HMCES: variants seen among roughly 807,000 people sequenced by gnomAD.
The protein encoded by HMCES is 5-hydroxymethylcytosine binding, ES cell specific.
HMCES carries 27 observed loss-of-function variants against 35.1 expected under a neutral mutation model. That is an observed-to-expected ratio of 0.77 (90% CI 0.57 to 1.06). HMCES has a LOEUF of 1.06. Among genes scored for constraint, HMCES ranks in the 50% least tolerant of loss-of-function variants. HMCES has a pLI of 0.00. For missense variants in HMCES, 391 were observed against 430.4 expected (o/e 0.91, Z 0.81); for synonymous variants, 130 against 154.7 (o/e 0.84, Z 1.18).
chr3:129,290,567 A>T, intron 3 of HMCES, 112 bp from the exon 4 acceptor site: 1 of 1,099,658 alleles, frequency 9.1e-7, no homozygotes, highest in Non-Finnish European at 1.3e-6. Context: ...TACAGCCGTG[A>T]GCCACCCGCC....
At position 129,279,955 on chromosome 3, in the gene HMCES, C is replaced by T. The variant is rs1194673139; in HGVS notation, c.183+40C>T. 6.7e-7 allele frequency: 1 copy of T among 1,481,990 alleles called. No individual in the cohort carries two copies. The highest frequency in any genetic ancestry group is 9.0e-7 in the Non-Finnish European group (1 of 1,111,290). 91.8% of individuals were successfully genotyped at this position (1,481,990 alleles called of 1,614,324 possible). ...ACTATGCTAGCCCCTCGCCCAGCCT[C>T]GTGATGGTCATCTCCTATTTGGTTT... On this transcript the variant is annotated intron_variant, in intron 2 of 6. Transcript: ENST00000383463. This position sits in a 1 kb window ranked among gnomAD's most constrained non-coding sequence, Gnocchi z 4.2.
chr3:129,280,964 C>G (rs1209351182), intron 2 of HMCES, among the ~76,000 whole-genome samples: 2 of 152,356 alleles, frequency 1.3e-5, no homozygotes, highest in South Asian at 4.1e-4. Flanking sequence ...TGGCCCACGC[C>G]TGTAATCCTA....
chr3:129,293,291 A>G (rs1463982715), intron 4 of HMCES, among the ~76,000 whole-genome samples: 2 of 152,254 alleles, frequency 1.3e-5, no homozygotes, highest in African/African-American at 4.8e-5. Flanking sequence ...CCTATCAGTG[A>G]TGGGTGCACC....
At chr3:129,293,923 G>A (rs973667069) in intron 4 of HMCES, among the ~76,000 whole-genome samples, 1 of 152,034 alleles carries the variant, frequency 6.6e-6, no homozygotes, top group African/African-American at 2.4e-5. Context: ...GATTCAGTCT[G>A]ACAATCATTC....
At chr3:129,304,535 C>A in intron 6 of HMCES, 54 bp from the exon 7 acceptor site, 1 of 1,491,108 alleles carries the variant, frequency 6.7e-7, no homozygotes, top group Non-Finnish European at 9.3e-7. Flanking sequence ...TTGGACTTGG[C>A]CTTTTCCCAA....
chr3:129,293,115 A>G (rs968978348), intron 4 of HMCES, among the ~76,000 whole-genome samples: 1 of 152,208 alleles, frequency 6.6e-6, no homozygotes, highest in Non-Finnish European at 1.5e-5. Flanking sequence ...CAGTTTTGTT[A>G]TCTTACAAGC....
At chr3:129,286,906 G>C (rs1158906606) in intron 2 of HMCES, among the ~76,000 whole-genome samples, 2 of 152,084 alleles carry the variant, frequency 1.3e-5, no homozygotes, top group Admixed American at 6.6e-5. Context: ...AAATTATCAA[G>C]GGGCCCATTA....
chr3:129,300,612 T>C (rs2071150590), intron 5 of HMCES, among the ~76,000 whole-genome samples: 1 of 152,172 alleles, frequency 6.6e-6, no homozygotes, highest in African/African-American at 2.4e-5. Flanking sequence ...TATGCTTTCA[T>C]GTGGCCAGGC....
chr3:129,280,911 C>A (rs1940459535), intron 2 of HMCES, among the ~76,000 whole-genome samples: 1 of 152,148 alleles, frequency 6.6e-6, no homozygotes, highest in Admixed American at 6.5e-5. Context: ...TTTTAAATGA[C>A]CTTGACATGT....
Position 129,288,769 on chromosome 3 carries a change from C to T in HMCES, c.184-85C>T, listed in dbSNP as rs1940712302. 7 of 1,007,418 alleles carry T rather than the reference C, an allele frequency of 6.9e-6. No individual in the cohort carries two copies. In the East Asian group the frequency reaches 1.9e-4, roughly 28 times the overall value. The allele number at this position is 1,007,418 out of a possible 1,614,324, so 62.4% of individuals were successfully genotyped here. On this transcript the variant is annotated intron_variant, in intron 2 of 6. Transcript: ENST00000383463. ...ATCTTGAATTCTTTATATTTCAATA[C>T]TCCTAAATAATGTAATAAATACATA...
chr3:129,283,803 C>T (rs1323576906), intron 2 of HMCES, among the ~76,000 whole-genome samples: 1 of 152,114 alleles, frequency 6.6e-6, no homozygotes, highest in Non-Finnish European at 1.5e-5. Flanking sequence ...GCACTCCAGC[C>T]TGGGCAACAA....
At chr3:129,290,623 G>T in intron 3 of HMCES, 56 bp from the exon 4 acceptor site, 2 of 1,565,138 alleles carry the variant, frequency 1.3e-6, no homozygotes, top group East Asian at 2.3e-5. Context: ...AGTAATGGCA[G>T]CCTGTGAAAC....
chr3:129,299,108 A>C (rs1035560243), intron 5 of HMCES, among the ~76,000 whole-genome samples: 2 of 152,230 alleles, frequency 1.3e-5, no homozygotes, highest in Admixed American at 6.5e-5. Context: ...AGATCGTGCC[A>C]CTGCACCCCA....
Position 129,304,804 on chromosome 3 carries a change from CA to C in HMCES, c.1046del (p.Lys349SerfsTer28). The C allele has an allele frequency of 6.2e-7, 1 of 1,614,058 alleles. No homozygotes were observed. Among genetic ancestry groups the C allele is most frequent in the Non-Finnish European group, 8.5e-7 (1 of 1,179,962 alleles). On this transcript the variant is annotated frameshift_variant, in exon 7 of 7. Coordinates refer to ENST00000383463, the MANE Select transcript of HMCES (RefSeq NM_020187.3). LOFTEE classifies it high-confidence loss of function. ...GGGAGAAGGAGGAGGAACCTGTGGC[CA>C]AGCGTCCTTACAGCCAGTGACACAG... ...KREKEEEPVA[K>X]RPYSQ
intron 2 of HMCES, among the ~76,000 whole-genome samples, chr3:129,287,909 T>C (rs1405636509): frequency 6.6e-6 from 1 of 151,818 alleles, no homozygotes; most frequent in African/African-American, 2.4e-5. Flanking sequence ...AATACAAAAA[T>C]TAGCTGGCGT....
chr3:129,281,736 C>T (rs1053118506), intron 2 of HMCES, among the ~76,000 whole-genome samples: 1 of 151,744 alleles, frequency 6.6e-6, no homozygotes, highest in Non-Finnish European at 1.5e-5. Flanking sequence ...CGGTGGCTCA[C>T]GCCTGTAATC....
intron 6 of HMCES, among the ~76,000 whole-genome samples, 196 bp downstream of exon 6, chr3:129,302,338 G>C (rs2107700316): frequency 6.6e-6 from 1 of 152,252 alleles, no homozygotes; most frequent in East Asian, 1.9e-4. Context: ...CCCAGGAGAA[G>C]AACTCTTTCA....
chr3:129,285,736 C>T (rs940385105), intron 2 of HMCES, among the ~76,000 whole-genome samples: 6 of 151,636 alleles, frequency 4.0e-5, no homozygotes, highest in African/African-American at 9.7e-5. Context: ...CATGAGCCAC[C>T]GCGCCCGGCC....
intron 2 of HMCES, among the ~76,000 whole-genome samples, chr3:129,280,145 A>G (rs1200645923): frequency 1.3e-5 from 2 of 152,240 alleles, no homozygotes; most frequent in Non-Finnish European, 2.9e-5. Flanking sequence ...CCTTTGCTAT[A>G]CATGGCATAC....
Sources: allele counts gnomAD v4.1 joint callset (sites outside exome capture counted in the v4.1 genomes callset), GRCh38; gene constraint gnomAD v4.1.1; non-coding constraint Gnocchi (gnomAD v3.1); transcripts MANE v1.5; gene names NCBI Gene and HGNC (gene_info 2026-07-23, HGNC 2026-07-21).